Variants in GPC6 observed in about 807,000 individuals in gnomAD.
GPC6 encodes the protein glypican-6.
GPC6 carries 14 observed loss-of-function variants against 55.2 expected under a neutral mutation model. That is an observed-to-expected ratio of 0.25 (90% CI 0.17 to 0.40). The LOEUF (loss-of-function observed/expected upper bound fraction) is 0.40. GPC6 is among the 10% of genes least tolerant of loss of function. The pLI, the probability that GPC6 is intolerant of heterozygous loss-of-function variation, is 1.00. For missense variants in GPC6, 641 were observed against 708.5 expected (o/e 0.90, Z 1.08); for synonymous variants, 278 against 259.6 (o/e 1.07, Z -0.68).
intron 4 of GPC6, among the ~76,000 whole-genome samples, chr13:94,147,293 C>G (rs1462081513): frequency 6.6e-6 from 1 of 152,070 alleles, no homozygotes; most frequent in African/African-American, 2.4e-5. Context: ...TTTTGCTTTT[C>G]CTGTCACCTC....
intron 1 of GPC6, among the ~76,000 whole-genome samples, chr13:93,320,250 C>T (rs1198796960): frequency 6.6e-6 from 1 of 151,848 alleles, no homozygotes; most frequent in East Asian, 1.9e-4. Context: ...ATATTTGTTC[C>T]AGAATAACTG....
chr13:93,918,672 G>A (rs1000475851), intron 3 of GPC6, among the ~76,000 whole-genome samples: 3 of 152,208 alleles, frequency 2.0e-5, no homozygotes, highest in Admixed American at 6.5e-5. Context: ...GATGTCTGTA[G>A]TGTTCAGCTC....
intron 1 of GPC6, among the ~76,000 whole-genome samples, chr13:93,294,591 A>G (rs1249159066): frequency 6.6e-6 from 1 of 152,160 alleles, no homozygotes; most frequent in African/African-American, 2.4e-5. Flanking sequence ...ACACCAAGAA[A>G]ACAAAGAGGC....
chr13:93,546,976 T>A (rs760777573), intron 2 of GPC6, among the ~76,000 whole-genome samples: 2 of 62,564 alleles, frequency 3.2e-5, no homozygotes, highest in Non-Finnish European at 1.3e-4. Flanking sequence ...AACAAAAAAA[T>A]ATTAAATATT....
At chr13:93,561,187 C>G (rs1875766982) in intron 2 of GPC6, among the ~76,000 whole-genome samples, 1 of 151,748 alleles carries the variant, frequency 6.6e-6, no homozygotes, top group African/African-American at 2.4e-5. Context: ...TGATAGATAG[C>G]CAACATTTCA....
chr13:94,320,682 G>C (rs1240977935), intron 6 of GPC6, among the ~76,000 whole-genome samples: 13 of 152,156 alleles, frequency 8.5e-5, no homozygotes, highest in Non-Finnish European at 1.5e-5. Flanking sequence ...ATCTGGGTCT[G>C]AGGAATGTCC....
Position 93,776,491 on chromosome 13 carries a change from A to G in GPC6, c.320-53663A>G, listed in dbSNP as rs151132933. Among the ~76,000 whole-genome samples the G allele has an allele frequency of 4.1e-4, 63 of 152,292 alleles. 1 individual carries two copies. Among genetic ancestry groups the G allele is most frequent in the African/African-American group, 1.4e-3 (60 of 41,562 alleles). On this transcript the variant is annotated intron_variant, in intron 2 of 8. Coordinates refer to ENST00000377047, the MANE Select transcript of GPC6 (RefSeq NM_005708.5). Reference sequence around the variant, plus strand: ...CTAAATTATCTCCAGAAGAGTGTCCATAGCATCTTCTTTTGAAACCCAGTA... The same window carrying G: ...CTAAATTATCTCCAGAAGAGTGTCCGTAGCATCTTCTTTTGAAACCCAGTA...
chr13:93,606,199 G>T (rs1181405049), intron 2 of GPC6, among the ~76,000 whole-genome samples: 1 of 152,154 alleles, frequency 6.6e-6, no homozygotes, highest in African/African-American at 2.4e-5. Flanking sequence ...CAATAAAATG[G>T]AATGTAGAAT....
At chr13:93,381,902 G>A (rs1169196676) in intron 1 of GPC6, among the ~76,000 whole-genome samples, 1 of 151,786 alleles carries the variant, frequency 6.6e-6, no homozygotes, top group Admixed American at 6.6e-5. Flanking sequence ...TAATTACAGG[G>A]GTTTAATTGA....
At chr13:93,980,748 G>A (rs550234491) in intron 3 of GPC6, among the ~76,000 whole-genome samples, 1 of 152,238 alleles carries the variant, frequency 6.6e-6, no homozygotes, top group Non-Finnish European at 1.5e-5. Flanking sequence ...TTGGATATGG[G>A]GGTACAAATG....
intron 3 of GPC6, among the ~76,000 whole-genome samples, chr13:93,905,077 CT>C (rs11308770): frequency 0.28 from 37,837 of 133,650 alleles, 5,124 homozygotes; most frequent in East Asian, 0.53. Flanking sequence ...AGCATTCTCT[CT>C]TTTTTTTTTT....
At chr13:94,386,899 C>T (rs1339200047) in intron 7 of GPC6, among the ~76,000 whole-genome samples, 2 of 152,192 alleles carry the variant, frequency 1.3e-5, no homozygotes, top group African/African-American at 4.8e-5. Flanking sequence ...CTGAATCTTG[C>T]TCCATAGCTC....
At chr13:93,887,980 A>T (rs1875447651) in intron 3 of GPC6, among the ~76,000 whole-genome samples, 1 of 152,126 alleles carries the variant, frequency 6.6e-6, no homozygotes, top group Admixed American at 6.6e-5. Context: ...TCTGGGGTCC[A>T]CTCCATAGCA....
intron 1 of GPC6, among the ~76,000 whole-genome samples, chr13:93,462,848 C>A (rs1878747497): frequency 6.6e-6 from 1 of 152,038 alleles, no homozygotes; most frequent in African/African-American, 2.4e-5. Context: ...TTGGTCCTGG[C>A]AGTGTCTCTG....
chr13:94,208,670 C>T (rs1001497010), intron 4 of GPC6, among the ~76,000 whole-genome samples: 2 of 148,652 alleles, frequency 1.3e-5, no homozygotes, highest in African/African-American at 5.0e-5. Flanking sequence ...ACCTGTAATC[C>T]CAACATGATG....
chr13:93,788,589 T>C, intron 2 of GPC6, among the ~76,000 whole-genome samples: 1 of 151,880 alleles, frequency 6.6e-6, no homozygotes, highest in East Asian at 1.9e-4. Context: ...GATTGCTTTT[T>C]GTGTAAACCT....
intron 3 of GPC6, among the ~76,000 whole-genome samples, chr13:93,995,795 A>G (rs1368374037): frequency 6.6e-6 from 1 of 152,200 alleles, no homozygotes; most frequent in Non-Finnish European, 1.5e-5. Context: ...CCTTGACAAT[A>G]GCACTGGGGA....
At chr13:93,515,994 A>AT (rs534408184) in intron 1 of GPC6, among the ~76,000 whole-genome samples, 1 of 152,134 alleles carries the variant, frequency 6.6e-6, no homozygotes, top group Non-Finnish European at 1.5e-5. Context: ...TTCCCAAGGT[A>AT]TTTTTTTAAC....
At chr13:93,523,669 T>C (rs1881536185) in intron 1 of GPC6, among the ~76,000 whole-genome samples, 1 of 152,008 alleles carries the variant, frequency 6.6e-6, no homozygotes, top group South Asian at 2.1e-4. Context: ...AAGACAAAGA[T>C]TCAAATGTAT....
Sources: allele counts gnomAD v4.1 joint callset (sites outside exome capture counted in the v4.1 genomes callset), GRCh38; gene constraint gnomAD v4.1.1; transcripts MANE v1.5; gene names NCBI Gene and HGNC (gene_info 2026-07-23, HGNC 2026-07-21).